SLC25A40: variants seen among roughly 807,000 people sequenced by gnomAD.
SLC25A40 encodes solute carrier family 25 member 40, also known as mitochondrial glutathione transporter SLC25A40.
A neutral mutation model predicts 46.5 loss-of-function variants in SLC25A40; 41 were observed. That is an observed-to-expected ratio of 0.88 (90% CI 0.69 to 1.14). The LOEUF (loss-of-function observed/expected upper bound fraction) is 1.14. Among genes scored for constraint, SLC25A40 ranks in the 50% most tolerant of loss-of-function variants. SLC25A40 has a pLI of 0.00. For synonymous variants in SLC25A40, 126 were observed against 127.5 expected (o/e 0.99, Z 0.08); for missense variants, 386 against 393.6 (o/e 0.98, Z 0.16).
chr7:87,835,023 T>C lies in SLC25A40; in HGVS notation c.*1226A>G, dbSNP rs1304033492. ...AAGACTTGTCATCTAAATATATTCA[T>C]TTTAGGGGAGAAAAAAATGCTTCAC... On this transcript the variant is annotated 3_prime_UTR_variant, in exon 12 of 12. Coordinates refer to ENST00000341119, the MANE Select transcript of SLC25A40 (RefSeq NM_018843.4). 6.6e-6 allele frequency: 1 copy of C among 151,352 alleles called. No homozygotes were observed. Among genetic ancestry groups the C allele is most frequent in the Non-Finnish European group, 1.5e-5 (1 of 67,558 alleles). 9.4% of individuals were successfully genotyped at this position (151,352 alleles called of 1,614,324 possible). A position where few individuals can be genotyped will look rare whatever the true frequency, so the allele number is the denominator to read the frequency against.
chr7:87,843,950 G>T (rs924602597), intron 8 of SLC25A40, 87 bp from the exon 9 acceptor site: 2 of 1,370,828 alleles, frequency 1.5e-6, no homozygotes, highest in Non-Finnish European at 1.9e-6. Flanking sequence ...ATATTCAGGG[G>T]ATAGACAAAT....
At position 87,833,903 on chromosome 7, in the gene SLC25A40, A is replaced by G. The variant is rs1343666199; in HGVS notation, c.*2346T>C. ...AAAAAACATATGCAGTTAAATAACC[A>G]TAATGAATAGTTTTCCTAGAAAAAA... On this transcript the variant is annotated 3_prime_UTR_variant, in exon 12 of 12. Coordinates refer to ENST00000341119, the MANE Select transcript of SLC25A40 (RefSeq NM_018843.4). 1 of 151,886 alleles carries G rather than the reference A, an allele frequency of 6.6e-6. No individual in the cohort carries two copies. Among genetic ancestry groups the G allele is most frequent in the Non-Finnish European group, 1.5e-5 (1 of 67,910 alleles). 9.4% of individuals were successfully genotyped at this position (151,886 alleles called of 1,614,324 possible).
intron 1 of SLC25A40, among the ~76,000 whole-genome samples, chr7:87,865,489 G>A (rs1258150609): frequency 1.3e-5 from 2 of 152,206 alleles, no homozygotes; most frequent in African/African-American, 2.4e-5. Context: ...ATTCTTGGGA[G>A]GCCAGGTACA....
chr7:87,871,205 G>A (rs866521424), intron 1 of SLC25A40, among the ~76,000 whole-genome samples: 51 of 152,336 alleles, frequency 3.3e-4, no homozygotes, highest in Middle Eastern at 3.4e-3. Flanking sequence ...GCATGAAGGC[G>A]TCAGGGAAAT....
intron 2 of SLC25A40, among the ~76,000 whole-genome samples, chr7:87,859,009 AGTT>A (rs956760308): frequency 1.8e-4 from 27 of 152,370 alleles, no homozygotes; most frequent in African/African-American, 6.3e-4. Flanking sequence ...GTATACCAGT[AGTT>A]GTTGTACAGA....
intron 6 of SLC25A40, among the ~76,000 whole-genome samples, 164 bp downstream of exon 6, chr7:87,849,717 T>C (rs1838478346): frequency 6.6e-6 from 1 of 152,220 alleles, no homozygotes; most frequent in African/African-American, 2.4e-5. Flanking sequence ...CAAGTCCTTC[T>C]AGTACATCAT....
chr7:87,858,812 C>T, intron 2 of SLC25A40, 61 bp from the exon 3 acceptor site: 1 of 911,102 alleles, frequency 1.1e-6, no homozygotes, highest in Non-Finnish European at 1.8e-6. Flanking sequence ...ATGATAACAT[C>T]CTTCAGCTAA....
At chr7:87,863,816 G>T (rs1242836321) in intron 1 of SLC25A40, among the ~76,000 whole-genome samples, 1 of 152,046 alleles carries the variant, frequency 6.6e-6, no homozygotes, top group Non-Finnish European at 1.5e-5. Context: ...TCTTCTAACT[G>T]AAAGTTGTAC....
In SLC25A40 at chr7:87,836,212, T is replaced by C. The variant is rs192706021; in HGVS notation, c.*37A>G. On this transcript the variant is annotated 3_prime_UTR_variant, in exon 12 of 12. Coordinates refer to ENST00000341119, the MANE Select transcript of SLC25A40 (RefSeq NM_018843.4). ...TCTTGCCTAAGAGTCTCCATCTTCT[T>C]TGGCTATAGTTGTTGTTTCAAGTTG... 34 of 1,282,050 alleles carry C rather than the reference T, an allele frequency of 2.7e-5. No homozygotes were observed. The highest frequency in any genetic ancestry group is 3.5e-5 in the Non-Finnish European group (32 of 907,252). The allele number at this position is 1,282,050 out of a possible 1,614,324, so 79.4% of individuals were successfully genotyped here.
chr7:87,872,833 G>T (rs924383260), intron 1 of SLC25A40, among the ~76,000 whole-genome samples: 1 of 152,088 alleles, frequency 6.6e-6, no homozygotes, highest in African/African-American at 2.4e-5. Flanking sequence ...ATGGTGGCAG[G>T]CGCCTGTAAT....
At chr7:87,843,069 C>T (rs780832938) in intron 9 of SLC25A40, among the ~76,000 whole-genome samples, 1 of 152,044 alleles carries the variant, frequency 6.6e-6, no homozygotes, top group African/African-American at 2.4e-5. Context: ...TGCATCACTT[C>T]ACTCTGCTCC....
At chr7:87,850,352 A>T (rs779993224) in intron 5 of SLC25A40, among the ~76,000 whole-genome samples, 3 of 152,268 alleles carry the variant, frequency 2.0e-5, no homozygotes, top group Non-Finnish European at 4.4e-5. Flanking sequence ...GGCAGAGCTG[A>T]AGAGAAGTCT....
At chr7:87,845,116 C>CA (rs201555435) in intron 8 of SLC25A40, among the ~76,000 whole-genome samples, 13 of 151,378 alleles carry the variant, frequency 8.6e-5, no homozygotes, top group African/African-American at 1.2e-4. Context: ...AGACCCTGAC[C>CA]AAAAAACAAA....
chr7:87,862,226 T>C (rs1288851351), intron 1 of SLC25A40, among the ~76,000 whole-genome samples: 1 of 152,198 alleles, frequency 6.6e-6, no homozygotes, highest in Non-Finnish European at 1.5e-5. Context: ...GAGGACACAT[T>C]CTACTGGGAG....
intron 6 of SLC25A40, among the ~76,000 whole-genome samples, chr7:87,848,250 T>A (rs1584326575): frequency 6.6e-6 from 1 of 152,128 alleles, no homozygotes; most frequent in East Asian, 1.9e-4. Flanking sequence ...TAGCATTAAG[T>A]AAGCGCTAGC....
intron 9 of SLC25A40, among the ~76,000 whole-genome samples, chr7:87,843,546 G>A (rs1838366832): frequency 6.6e-6 from 1 of 151,906 alleles, no homozygotes; most frequent in Non-Finnish European, 1.5e-5. Context: ...AGAAAAATAT[G>A]TTTTTGTAAC....
At chr7:87,853,932 A>C (rs776086397) in intron 5 of SLC25A40, among the ~76,000 whole-genome samples, 3 of 152,178 alleles carry the variant, frequency 2.0e-5, no homozygotes, top group Non-Finnish European at 4.4e-5. Context: ...ACTGGGGGAA[A>C]CTAAGAAAAG....
intron 9 of SLC25A40, 40 bp from the exon 10 acceptor site, chr7:87,841,754 T>C (rs1196735336): frequency 1.7e-6 from 2 of 1,207,284 alleles, no homozygotes; most frequent in Admixed American, 2.7e-5. Context: ...ATCAACCTGT[T>C]AATTTTTCCT....
At chr7:87,860,913 TA>T (rs1469613197) in intron 1 of SLC25A40, among the ~76,000 whole-genome samples, 1 of 152,206 alleles carries the variant, frequency 6.6e-6, no homozygotes, top group African/African-American at 2.4e-5. Context: ...ACACAGTGAT[TA>T]ATCTTAGCAT....
Sources: gnomAD v4.1 joint callset for allele counts (sites outside exome capture counted in the v4.1 genomes callset) on GRCh38, gnomAD v4.1.1 for gene constraint, MANE v1.5 for transcripts, NCBI Gene and HGNC (gene_info 2026-07-23, HGNC 2026-07-21) for gene names.